TCF4: variants seen among roughly 807,000 people sequenced by gnomAD.
TCF4 encodes transcription factor 4.
TCF4 carries 3 observed loss-of-function variants against 82.1 expected under a neutral mutation model. The observed-to-expected ratio is 0.04, with a 90% CI of 0.02 to 0.09. TCF4 has a LOEUF of 0.09. TCF4 is among the 10% of genes least tolerant of loss of function. The probability of loss-of-function intolerance (pLI) is 1.00; values close to 1 mark genes in which losing one functional copy is unlikely to be tolerated. For synonymous variants in TCF4, 276 were observed against 309.6 expected (o/e 0.89, Z 1.14); for missense variants, 518 against 852.7 (o/e 0.61, Z 4.89).
chr18:55,446,337 A>T (rs188373134), intron 5 of TCF4, among the ~76,000 whole-genome samples: 1 of 151,562 alleles, frequency 6.6e-6, no homozygotes. Flanking sequence ...AAGGGGAAAA[A>T]CCCCTTTGTT....
chr18:55,597,332 T>C (rs2097692045), intron 2 of TCF4, among the ~76,000 whole-genome samples: 1 of 152,190 alleles, frequency 6.6e-6, no homozygotes, highest in Non-Finnish European at 1.5e-5. Context: ...CTAATCATCT[T>C]TGCATTCTAT....
chr18:55,318,840 T>C (rs1444654947), intron 8 of TCF4, among the ~76,000 whole-genome samples: 2 of 152,162 alleles, frequency 1.3e-5, no homozygotes. Context: ...AACCCTATAG[T>C]TGCCAGTTCA....
At chr18:55,568,661 TAA>T (rs992449364) in intron 3 of TCF4, among the ~76,000 whole-genome samples, 3 of 152,122 alleles carry the variant, frequency 2.0e-5, no homozygotes, top group Non-Finnish European at 4.4e-5. Context: ...ATTTTACAGA[TAA>T]GTTTGACCTA....
chr18:55,628,650 G>T (rs754724901), intron 2 of TCF4, among the ~76,000 whole-genome samples: 1 of 152,134 alleles, frequency 6.6e-6, no homozygotes, highest in African/African-American at 2.4e-5. Flanking sequence ...TATAAAATAA[G>T]TATGATCATG....
At chr18:55,453,354 G>A (rs7227697) in intron 5 of TCF4, among the ~76,000 whole-genome samples, 15 of 152,192 alleles carry the variant, frequency 9.9e-5, no homozygotes, top group African/African-American at 3.6e-4. Context: ...TTTCTAGAAT[G>A]AGAAAAATTA....
chr18:55,579,611 A>G (rs2097558572), intron 3 of TCF4, among the ~76,000 whole-genome samples: 1 of 152,008 alleles, frequency 6.6e-6, no homozygotes, highest in African/African-American at 2.4e-5. Flanking sequence ...ACTGAAGAAC[A>G]TTTCAAAACA....
intron 8 of TCF4, among the ~76,000 whole-genome samples, chr18:55,317,183 A>C (rs2147351952): frequency 6.6e-6 from 1 of 152,158 alleles, no homozygotes; most frequent in African/African-American, 2.4e-5. Context: ...GGTAAATTAA[A>C]GTGCCAACTA....
At chr18:55,282,736 T>A (rs1051608091) in intron 8 of TCF4, among the ~76,000 whole-genome samples, 2 of 152,060 alleles carry the variant, frequency 1.3e-5, no homozygotes, top group Middle Eastern at 3.2e-3. Context: ...CAGTCCAATC[T>A]AAAATGAAAT....
intron 3 of TCF4, among the ~76,000 whole-genome samples, chr18:55,557,502 G>T (rs1053097497): frequency 1.3e-5 from 2 of 151,956 alleles, no homozygotes; most frequent in African/African-American, 2.4e-5. Context: ...TTTATTTTAT[G>T]ATTAAAATTC....
At chr18:55,546,716 A>C (rs2097210376) in intron 3 of TCF4, 1 of 152,248 alleles carries the variant, frequency 6.6e-6, no homozygotes, top group African/African-American at 2.4e-5. Flanking sequence ...CAGCAACCAA[A>C]AGTAGGTGAG....
At chr18:55,584,467 T>C (rs17089896) in intron 3 of TCF4, among the ~76,000 whole-genome samples, 4,590 of 152,212 alleles carry the variant, frequency 0.03, 233 homozygotes, top group African/African-American at 0.1. Context: ...TTGAAATTCA[T>C]TGGATTAAAA....
intron 8 of TCF4, among the ~76,000 whole-genome samples, chr18:55,341,367 A>G (rs775583309): frequency 2.0e-5 from 3 of 152,242 alleles, no homozygotes; most frequent in Non-Finnish European, 4.4e-5. Flanking sequence ...AAATGATTCA[A>G]TAGATGCAAA....
chr18:55,555,042 G>A (rs2097292486), intron 3 of TCF4, among the ~76,000 whole-genome samples: 1 of 152,010 alleles, frequency 6.6e-6, no homozygotes, highest in Non-Finnish European at 1.5e-5. Flanking sequence ...CTCATACTTA[G>A]ATTATGTTTA....
intron 8 of TCF4, among the ~76,000 whole-genome samples, chr18:55,307,243 T>C (rs1334660161): frequency 6.6e-6 from 1 of 152,262 alleles, no homozygotes; most frequent in Non-Finnish European, 1.5e-5. Context: ...TGGGTGTTTA[T>C]GACTGGTAAA....
At chr18:55,290,483 T>C (rs1185771212) in intron 8 of TCF4, among the ~76,000 whole-genome samples, 1 of 152,180 alleles carries the variant, frequency 6.6e-6, no homozygotes, top group Admixed American at 6.5e-5. Context: ...TCAGATCTTT[T>C]CCCAATAATC....
chr18:55,571,669 A>G (rs2147559204), intron 3 of TCF4, among the ~76,000 whole-genome samples: 1 of 152,196 alleles, frequency 6.6e-6, no homozygotes, highest in African/African-American at 2.4e-5. Flanking sequence ...ACACTTAACA[A>G]AAGTCTTGCT....
intron 15 of TCF4, among the ~76,000 whole-genome samples, chr18:55,253,373 C>CT (rs1156546409): frequency 5.9e-5 from 9 of 152,076 alleles, no homozygotes; most frequent in Non-Finnish European, 1.2e-4. Context: ...TTTAGCGAGC[C>CT]TGTAAGGGGC....
In TCF4 at chr18:55,455,179, C is replaced by CAA. The variant is rs35889370; in HGVS notation, c.304+5838_304+5839dup. On this transcript the variant is annotated intron_variant, in intron 5 of 19. Coordinates refer to ENST00000354452, the MANE Select transcript of TCF4 (RefSeq NM_001083962.2). ...TGGGCAACAGAGAGAGACTCTGTCT[C>CAA]AAAAAAAAAAAAAAAAAAAAAAAAG... Among the ~76,000 whole-genome samples, 477 of 67,268 alleles carry CAA rather than the reference C, an allele frequency of 7.1e-3. 8 individuals are homozygous for CAA. Among genetic ancestry groups the CAA allele is most frequent in the Middle Eastern group, 9.1e-3 (1 of 110 alleles). 44.1% of individuals were successfully genotyped at this position (67,268 alleles called of 152,430 possible).
At chr18:55,316,627 C>CA (rs1422615287) in intron 8 of TCF4, among the ~76,000 whole-genome samples, 3 of 151,894 alleles carry the variant, frequency 2.0e-5, no homozygotes, top group Non-Finnish European at 2.9e-5. Flanking sequence ...AAAACAACAA[C>CA]AAAAAAAGCC....
Sources: gnomAD v4.1 joint callset for allele counts (sites outside exome capture counted in the v4.1 genomes callset) on GRCh38, gnomAD v4.1.1 for gene constraint, MANE v1.5 for transcripts, NCBI Gene and HGNC (gene_info 2026-07-23, HGNC 2026-07-21) for gene names.